The following CLIP4 variants were observed in gnomAD, a reference collection of about 807,000 sequenced individuals.
CLIP4 encodes CAP-Gly domain-containing linker protein 4.
CLIP4 carries 47 observed loss-of-function variants against 73.1 expected under a neutral mutation model. That is an observed-to-expected ratio of 0.64 (90% CI 0.51 to 0.82). The LOEUF is 0.82. Ranked by LOEUF, CLIP4 falls within the 40% of genes least tolerant of loss-of-function variation. The probability of loss-of-function intolerance (pLI) is 0.00; values close to 1 mark genes in which losing one functional copy is unlikely to be tolerated. For synonymous variants in CLIP4, 306 were observed against 295.4 expected (o/e 1.04, Z -0.37); for missense variants, 874 against 852.9 (o/e 1.02, Z -0.31).
intron 7 of CLIP4, among the ~76,000 whole-genome samples, chr2:29,144,172 G>T (rs978660003): frequency 2.6e-5 from 4 of 151,834 alleles, no homozygotes; most frequent in Non-Finnish European, 5.9e-5. Flanking sequence ...TTTGAATAAA[G>T]AGTGGAGTGG....
chr2:29,141,829 T>A (rs1665789312), intron 6 of CLIP4, among the ~76,000 whole-genome samples: 1 of 152,160 alleles, frequency 6.6e-6, no homozygotes, highest in African/African-American at 2.4e-5. Context: ...TTAATATTGA[T>A]ATGTGAAGTT....
chr2:29,129,558 A>T (rs1407258839), intron 2 of CLIP4, among the ~76,000 whole-genome samples: 1 of 152,068 alleles, frequency 6.6e-6, no homozygotes, highest in Non-Finnish European at 1.5e-5. Flanking sequence ...AAGAAGCTGG[A>T]TCCAAATTGT....
intron 7 of CLIP4, among the ~76,000 whole-genome samples, chr2:29,144,492 C>G (rs575793125): frequency 2.0e-5 from 3 of 152,004 alleles, no homozygotes; most frequent in Non-Finnish European, 4.4e-5. Context: ...TTGCCAGTTG[C>G]TTTTTAAAAA....
chr2:29,157,815 A>T (rs1045386587), intron 11 of CLIP4, among the ~76,000 whole-genome samples: 2 of 152,216 alleles, frequency 1.3e-5, no homozygotes, highest in East Asian at 3.8e-4. Context: ...ATTTGTAAAG[A>T]TACGTAAAAC....
At chr2:29,100,864 T>A (rs1266607623) in intron 1 of CLIP4, among the ~76,000 whole-genome samples, 1 of 152,002 alleles carries the variant, frequency 6.6e-6, no homozygotes, top group Non-Finnish European at 1.5e-5. Flanking sequence ...TAGGGTGCTT[T>A]AGAGGGACAG....
intron 1 of CLIP4, among the ~76,000 whole-genome samples, chr2:29,102,069 C>G (rs145691208): frequency 1.9e-3 from 288 of 152,244 alleles, no homozygotes; most frequent in Non-Finnish European, 3.4e-3. Context: ...GTTGAACTCA[C>G]TCTCCTTGAA....
At chr2:29,163,000 C>T (rs1281483156) in intron 12 of CLIP4, among the ~76,000 whole-genome samples, 2 of 152,034 alleles carry the variant, frequency 1.3e-5, no homozygotes, top group South Asian at 4.1e-4. Flanking sequence ...CTACTGTACA[C>T]TCCTTTTAAA....
At chr2:29,119,498 T>G (rs1572877192) in intron 1 of CLIP4, among the ~76,000 whole-genome samples, 1 of 152,200 alleles carries the variant, frequency 6.6e-6, no homozygotes, top group South Asian at 2.1e-4. Flanking sequence ...GCTGAAGAAT[T>G]AAGAGTATAA....
intron 1 of CLIP4, among the ~76,000 whole-genome samples, chr2:29,116,461 A>T (rs2148451315): frequency 6.6e-6 from 1 of 152,340 alleles, no homozygotes; most frequent in Admixed American, 6.5e-5. Context: ...AGGTTTCAGT[A>T]AACACCTTCC....
At chr2:29,157,701 G>T (rs1434491798) in intron 11 of CLIP4, among the ~76,000 whole-genome samples, 1 of 152,126 alleles carries the variant, frequency 6.6e-6, no homozygotes, top group Admixed American at 6.5e-5. Context: ...CTAGGAGAAG[G>T]TCAGAGGGTC....
At position 29,131,178 on chromosome 2, in the gene CLIP4, C is replaced by G; in HGVS notation, c.134-80C>G. The G allele has an allele frequency of 2.5e-6, 3 of 1,188,038 alleles. No homozygotes were observed. The South Asian group carries it at 4.7e-5, about 18-fold the overall frequency. 73.6% of individuals were successfully genotyped at this position (1,188,038 alleles called of 1,614,324 possible). Reference sequence around the variant, plus strand: ...TCTAAAATATTTGTATCATTTGAACCTTGGTTTTATTGTTTATTATTTTCA... The same window carrying G: ...TCTAAAATATTTGTATCATTTGAACGTTGGTTTTATTGTTTATTATTTTCA... On this transcript the variant is annotated intron_variant, in intron 2 of 15. Coordinates refer to ENST00000320081, the MANE Select transcript of CLIP4 (RefSeq NM_024692.6).
intron 15 of CLIP4, among the ~76,000 whole-genome samples, chr2:29,178,675 A>C (rs1441604911): frequency 6.6e-6 from 1 of 152,194 alleles, no homozygotes; most frequent in Non-Finnish European, 1.5e-5. Flanking sequence ...AAAAAATCAG[A>C]ATTTAACTAG....
intron 8 of CLIP4, among the ~76,000 whole-genome samples, chr2:29,149,532 T>G (rs1472809832): frequency 6.6e-6 from 1 of 151,894 alleles, no homozygotes; most frequent in Non-Finnish European, 1.5e-5. Flanking sequence ...TCTGGAAATT[T>G]GTTATTTTTG....
chr2:29,140,777 A>T (rs973668857), intron 6 of CLIP4, among the ~76,000 whole-genome samples: 4 of 152,128 alleles, frequency 2.6e-5, no homozygotes, highest in Middle Eastern at 3.2e-3. Context: ...CCATTCTAAC[A>T]GGTGTGAGAT....
At chr2:29,108,919 T>C (rs1373597758) in intron 1 of CLIP4, among the ~76,000 whole-genome samples, 2 of 152,216 alleles carry the variant, frequency 1.3e-5, no homozygotes, top group African/African-American at 2.4e-5. Context: ...AGTCTGGACA[T>C]TGCAGGCTGT....
At chr2:29,131,541 G>T in intron 3 of CLIP4, 144 bp downstream of exon 3, 1 of 821,476 alleles carries the variant, frequency 1.2e-6, no homozygotes, top group East Asian at 2.8e-5. Context: ...GATTTTCATG[G>T]GGCAGTGAGT....
In CLIP4 at chr2:29,143,870, T is replaced by C. The variant is rs752501561; in HGVS notation, c.810T>C (p.Asp270=). Residue 270 remains aspartate (D), a synonymous_variant, in exon 7 of 16, where the codon GAT becomes GAC. Coordinates refer to ENST00000320081, the MANE Select transcript of CLIP4 (RefSeq NM_024692.6). ...CAAAGGCCATGCTCCCAAATTATGA[T>C]CATGTCACTGGCAAGGCAATGCTTA... The part of the protein sequence containing the change: ...NISKAMLPNY[D]HVTGKAMLTS... The C allele has an allele frequency of 1.9e-6, 3 of 1,614,058 alleles. No homozygotes were observed. Among genetic ancestry groups the C allele is most frequent in the Non-Finnish European group, 2.5e-6 (3 of 1,180,020 alleles).
intron 8 of CLIP4, among the ~76,000 whole-genome samples, chr2:29,148,044 C>G (rs1666287159): frequency 6.6e-6 from 1 of 152,140 alleles, no homozygotes; most frequent in Non-Finnish European, 1.5e-5. Flanking sequence ...CTCCCAAACT[C>G]CCATTATCCC....
At chr2:29,166,776 C>T (rs1006457802) in intron 13 of CLIP4, among the ~76,000 whole-genome samples, 9 of 152,036 alleles carry the variant, frequency 5.9e-5, no homozygotes. Flanking sequence ...AAAATGATGC[C>T]TATGAATTGT....
Sources: gnomAD v4.1 joint callset for allele counts (sites outside exome capture counted in the v4.1 genomes callset) on GRCh38, gnomAD v4.1.1 for gene constraint, MANE v1.5 for transcripts, NCBI Gene and HGNC (gene_info 2026-07-23, HGNC 2026-07-21) for gene names.